MTOR: variants seen among roughly 807,000 people sequenced by gnomAD.
MTOR encodes the protein mechanistic target of rapamycin kinase.
In MTOR, 70 loss-of-function variants were observed where a neutral mutation model predicts 319.8. The ratio of observed to expected loss-of-function variants is 0.22; its 90% confidence interval spans 0.18 to 0.27. The LOEUF (loss-of-function observed/expected upper bound fraction) is 0.27, where lower values mean the gene tolerates loss of function less well. Among genes scored for constraint, MTOR ranks in the 10% least tolerant of loss-of-function variants. The probability of loss-of-function intolerance (pLI) is 1.00; values close to 1 mark genes in which losing one functional copy is unlikely to be tolerated. For missense variants in MTOR, 1,890 were observed against 3,274.4 expected (o/e 0.58, Z 10.32); for synonymous variants, 1,183 against 1,211.4 (o/e 0.98, Z 0.49).
rs1398030366 is a variant in MTOR, at chr1:11,114,275, G to A, written c.7300+43C>T. The A allele has an allele frequency of 6.8e-6, 11 of 1,607,938 alleles. No individual in the cohort carries two copies. The Admixed American group carries it at 8.3e-5, about 12-fold the overall frequency. Reference sequence around the variant, plus strand: ...CTCCCAAAATGTTAGGATTACAGGTGTGAGCCACTGAGCTCAGCTCCCAGG... The same window carrying A: ...CTCCCAAAATGTTAGGATTACAGGTATGAGCCACTGAGCTCAGCTCCCAGG... On this transcript the variant is annotated intron_variant, in intron 53 of 57. Coordinates refer to ENST00000361445, the MANE Select transcript of MTOR (RefSeq NM_004958.4).
At chr1:11,169,730 T>C (rs536927012) in intron 28 of MTOR, among the ~76,000 whole-genome samples, 99 of 152,354 alleles carry the variant, frequency 6.5e-4, no homozygotes, top group Non-Finnish European at 1.0e-3. Flanking sequence ...TAGTAGGACA[T>C]ATTTAACTCA....
At chr1:11,178,387 G>A (rs1472975561) in intron 28 of MTOR, among the ~76,000 whole-genome samples, 2 of 152,150 alleles carry the variant, frequency 1.3e-5, no homozygotes, top group African/African-American at 2.4e-5. Context: ...TGCTGGCCAG[G>A]TTTGCAACTG....
intron 1 of MTOR, among the ~76,000 whole-genome samples, chr1:11,260,369 C>A (rs891157224): frequency 6.6e-6 from 1 of 152,018 alleles, no homozygotes; most frequent in African/African-American, 2.4e-5. Flanking sequence ...ATGGTGAAAC[C>A]CCGTCTCTAC....
intron 25 of MTOR, among the ~76,000 whole-genome samples, chr1:11,207,397 G>C (rs944615702): frequency 2.1e-5 from 3 of 142,662 alleles, no homozygotes; most frequent in African/African-American, 7.5e-5. Context: ...CACTGCACCT[G>C]GCCCCCTACC....
At chr1:11,210,934 A>C in intron 23 of MTOR, 28 bp from the exon 24 acceptor site, 5 of 1,401,214 alleles carry the variant, frequency 3.6e-6, no homozygotes, top group African/African-American at 1.4e-5. Context: ...AGAGATGAGA[A>C]ACTATCATTT....
rs542268929 is a variant in MTOR, at chr1:11,133,561, C to T, written c.5247-364G>A. On this transcript the variant is annotated intron_variant, in intron 37 of 57. Transcript: ENST00000361445. This position sits in a 1 kb window ranked among gnomAD's most constrained non-coding sequence, Gnocchi z 4.0. ...GGCTTCTCCCTTACTTTTCCCTTTG[C>T]CTCCATTCTTTGTAATGAGATTAGC... Among the ~76,000 whole-genome samples the T allele has an allele frequency of 5.9e-5, 9 of 152,254 alleles. No homozygotes were observed. In the South Asian group the frequency reaches 1.7e-3, roughly 28 times the overall value.
chr1:11,257,365 G>A (rs1328717807), intron 3 of MTOR, among the ~76,000 whole-genome samples, 200 bp from the exon 4 acceptor site: 2 of 134,568 alleles, frequency 1.5e-5, no homozygotes, highest in African/African-American at 5.7e-5. Flanking sequence ...GTGAAACCCC[G>A]TCTCTACTAA....
rs200652382 is a variant in MTOR at position 11,221,214 on chromosome 1, C to CA, written c.3031-4981dup. ...TTCGTCATGTTGGCCAGGCTGGTCTCAAACTCCTGACTTTGAGTGATCCAC... is the reference window on the plus strand; with the variant it reads ...TTCGTCATGTTGGCCAGGCTGGTCTCAAAACTCCTGACTTTGAGTGATCCAC... On this transcript the variant is annotated intron_variant, in intron 19 of 57. Transcript: ENST00000361445. Among the ~76,000 whole-genome samples the CA allele has an allele frequency of 3.5e-4, 53 of 152,156 alleles. No homozygotes were observed. In the East Asian group the frequency reaches 9.9e-3, roughly 28 times the overall value.
intron 28 of MTOR, among the ~76,000 whole-genome samples, chr1:11,181,387 T>C (rs1194104483): frequency 6.6e-6 from 1 of 152,164 alleles, no homozygotes; most frequent in African/African-American, 2.4e-5. Flanking sequence ...AAGCCGGATG[T>C]AGTGGTGGGC....
chr1:11,206,827 T>C (rs1283225372), intron 25 of MTOR, among the ~76,000 whole-genome samples: 1 of 152,222 alleles, frequency 6.6e-6, no homozygotes, highest in Non-Finnish European at 1.5e-5. Flanking sequence ...AGCTTACTCA[T>C]GGTGAAGGTA....
chr1:11,176,464 T>A (rs1206801286), intron 28 of MTOR, among the ~76,000 whole-genome samples: 1 of 152,198 alleles, frequency 6.6e-6, no homozygotes, highest in Non-Finnish European at 1.5e-5. Flanking sequence ...CAGGAATGTA[T>A]GAGAACACAC....
chr1:11,118,618 C>CT (rs1359304379), intron 49 of MTOR, among the ~76,000 whole-genome samples: 1,633 of 127,238 alleles, frequency 0.013, 43 homozygotes, highest in African/African-American at 0.038. Flanking sequence ...TTTTCTTCTT[C>CT]TTTTTTTTTT....
At chr1:11,230,532 A>G (rs1386973286) in intron 18 of MTOR, among the ~76,000 whole-genome samples, 1 of 152,182 alleles carries the variant, frequency 6.6e-6, no homozygotes, top group Admixed American at 6.5e-5. Flanking sequence ...TGATTTCCCT[A>G]TCAATTAAAA....
chr1:11,254,073 C>G, intron 5 of MTOR, 100 bp from the exon 6 acceptor site: 1 of 1,401,798 alleles, frequency 7.1e-7, no homozygotes, highest in Non-Finnish European at 1.0e-6. Context: ...GGTGCTACCA[C>G]GCCTGCTCAG....
At chr1:11,253,085 C>T (rs1363078584) in intron 6 of MTOR, among the ~76,000 whole-genome samples, 2 of 152,190 alleles carry the variant, frequency 1.3e-5, no homozygotes, top group South Asian at 2.1e-4. Context: ...TTGAGGACCC[C>T]GCGGTGGCCC....
intron 28 of MTOR, among the ~76,000 whole-genome samples, chr1:11,180,765 C>A (rs1645120255): frequency 6.6e-6 from 1 of 151,800 alleles, no homozygotes; most frequent in Admixed American, 6.6e-5. Context: ...ACTACAGCTG[C>A]CCAGAAATAA....
chr1:11,127,219 C>G lies in MTOR; in HGVS notation c.6217-75G>C, dbSNP rs560805796. 7 of 1,590,228 alleles carry G rather than the reference C, an allele frequency of 4.4e-6. No homozygotes were observed. In the South Asian group the frequency reaches 8.0e-5, roughly 18 times the overall value. On this transcript the variant is annotated intron_variant, in intron 44 of 57. Transcript: ENST00000361445. This position sits in a 1 kb window ranked among gnomAD's most constrained non-coding sequence, Gnocchi z 5.5. Reference sequence around the variant, plus strand: ...CCAGGAGGCAAAATCCCCAGGCTGACTGCAGATATTCCTCAGGAGCCCGCT... The same window carrying G: ...CCAGGAGGCAAAATCCCCAGGCTGAGTGCAGATATTCCTCAGGAGCCCGCT...
chr1:11,228,694 G>A lies in MTOR; in HGVS notation c.3004C>T (p.Arg1002Ter), dbSNP rs770601118. ...TCCCGGATGGCCCCATCACAGACTC[G>A]AATGACGTTAAGGAACGTGGGCATG... ...QVMPTFLNVI[R>*]VCDGAIREFL... The change falls in exon 19 of 58, where the codon CGA (arginine) becomes TGA (stop). Residue 1002 changes from arginine (R) to a stop codon, truncating the protein, a stop_gained. Transcript: ENST00000361445. LOFTEE classifies it high-confidence loss of function. 4 of 1,614,054 alleles carry A rather than the reference G, an allele frequency of 2.5e-6. No individual in the cohort carries two copies. The highest frequency in any genetic ancestry group is 1.3e-5 in the African/African-American group (1 of 75,040).
In MTOR at chr1:11,115,035, G is replaced by T. The variant is rs780308777; in HGVS notation, c.7090-148C>A. 2.3e-5 allele frequency: 15 copies of T among 641,302 alleles called. No individual in the cohort carries two copies. In the East Asian group the frequency reaches 4.1e-4, roughly 18 times the overall value. 39.7% of individuals were successfully genotyped at this position (641,302 alleles called of 1,614,324 possible). On this transcript the variant is annotated intron_variant, in intron 51 of 57. Coordinates refer to ENST00000361445, the MANE Select transcript of MTOR (RefSeq NM_004958.4). The surrounding 1 kb of genome is among the most constrained non-coding windows in gnomAD (Gnocchi z 4.5). ...CAGCTTGGGTTTAGTGAGAGGACTT[G>T]TCACAGGGATTTGAAAGACAACTTA...
Sources: allele counts gnomAD v4.1 joint callset (sites outside exome capture counted in the v4.1 genomes callset), GRCh38; gene constraint gnomAD v4.1.1; non-coding constraint Gnocchi (gnomAD v3.1); transcripts MANE v1.5; gene names NCBI Gene and HGNC (gene_info 2026-07-23, HGNC 2026-07-21).